Variants in LRRC36 observed in about 807,000 individuals in gnomAD.
LRRC36 encodes the protein leucine rich repeat containing 36, also known as leucine-rich repeat-containing protein 36.
Under a neutral mutation model 81.1 loss-of-function variants are expected in LRRC36, and 62 were observed. That is an observed-to-expected ratio of 0.76 (90% CI 0.62 to 0.94). The LOEUF is 0.94. Among genes scored for constraint, LRRC36 ranks in the 40% least tolerant of loss-of-function variants. The probability of loss-of-function intolerance (pLI) is 0.00; values close to 1 mark genes in which losing one functional copy is unlikely to be tolerated. For synonymous variants in LRRC36, 334 were observed against 348.6 expected, an observed-to-expected ratio of 0.96 and a Z score of 0.47; for missense variants, 761 against 881.7, an observed-to-expected ratio of 0.86 and a Z score of 1.73.
chr16:67,376,823 G>A lies in LRRC36; in HGVS notation c.1757G>A (p.Arg586Lys). Residue 586 changes from arginine (R) to lysine (K), a missense_variant, in exon 11 of 14, where the codon AGG (arginine) becomes AAG (lysine). Arg to Lys is a conservative substitution (Grantham distance 26). Transcript: ENST00000329956. ...GAAGACACGATGAAAGCATTCTGCA[G>A]GAGGGAGCTTGAACTGAAGGAGGCT... ...HPEDTMKAFC[R>K]RELELKEAAQ... 1 of 1,614,022 alleles carries A rather than the reference G, an allele frequency of 6.2e-7. No homozygotes were observed.
intron 11 of LRRC36, among the ~76,000 whole-genome samples, chr16:67,378,381 G>A (rs1465780276): frequency 6.6e-6 from 1 of 151,204 alleles, no homozygotes; most frequent in African/African-American, 2.4e-5. Flanking sequence ...CTGGGGTTAC[G>A]GGTGCACACC....
intron 13 of LRRC36, among the ~76,000 whole-genome samples, chr16:67,382,517 T>C (rs2040151204): frequency 6.6e-6 from 1 of 152,156 alleles, no homozygotes; most frequent in African/African-American, 2.4e-5. Flanking sequence ...TTTGTTTGGG[T>C]CAGCTAACTT....
At chr16:67,372,972 T>C (rs2039714941) in intron 9 of LRRC36, among the ~76,000 whole-genome samples, 1 of 152,174 alleles carries the variant, frequency 6.6e-6, no homozygotes. Context: ...GTATTCAGAG[T>C]GAAGATCCAG....
At chr16:67,353,279 G>T (rs2038741349) in intron 5 of LRRC36, among the ~76,000 whole-genome samples, 1 of 152,232 alleles carries the variant, frequency 6.6e-6, no homozygotes, top group East Asian at 1.9e-4. Flanking sequence ...ATCATGTTGG[G>T]GTTTGATGCT....
At chr16:67,366,657 C>T (rs749568757) in intron 7 of LRRC36, among the ~76,000 whole-genome samples, 10 of 151,688 alleles carry the variant, frequency 6.6e-5, no homozygotes, top group African/African-American at 1.2e-4. Context: ...GGCTGAGGTA[C>T]GAGAATCGCT....
chr16:67,347,642 A>G (rs1222360891), intron 4 of LRRC36, 51 bp downstream of exon 4: 1 of 1,283,504 alleles, frequency 7.8e-7, no homozygotes, highest in Non-Finnish European at 1.1e-6. Flanking sequence ...GACATAGGAA[A>G]TAGTGAATTC....
At chr16:67,363,799 G>C (rs1251138069) in intron 6 of LRRC36, 85 bp downstream of exon 6, 2 of 1,471,212 alleles carry the variant, frequency 1.4e-6, no homozygotes, top group Non-Finnish European at 1.9e-6. Context: ...ATTTATGAAG[G>C]TCTCAGAGGA....
chr16:67,356,388 T>C (rs2038903304), intron 5 of LRRC36, among the ~76,000 whole-genome samples: 1 of 152,206 alleles, frequency 6.6e-6, no homozygotes, highest in Non-Finnish European at 1.5e-5. Flanking sequence ...AAATAGTCAC[T>C]TAAACTAGAA....
Position 67,378,708 on chromosome 16 carries a change from T to G in LRRC36, c.1926T>G (p.Thr642=). The change falls in exon 12 of 14, where the codon ACT becomes ACG. Residue 642 remains threonine (T), a synonymous_variant. Coordinates refer to ENST00000329956, the MANE Select transcript of LRRC36 (RefSeq NM_018296.6). ...TTGTGAGTGGGCAACAGTCACATAC[T>G]TATGGTAAGTTGAGGAAAGCCATGA... ...ISIVSGQQSH[T]YDDLLHKNQQ... 6.2e-7 allele frequency: 1 copy of G among 1,613,644 alleles called. No individual in the cohort carries two copies. The highest frequency in any genetic ancestry group is 8.5e-7 in the Non-Finnish European group (1 of 1,179,716).
intron 1 of LRRC36, among the ~76,000 whole-genome samples, chr16:67,328,553 GA>G (rs2037320102): frequency 6.6e-6 from 1 of 151,822 alleles, no homozygotes; most frequent in Admixed American, 6.6e-5. Context: ...ACAGTGAGAA[GA>G]AAGTCTTTAC....
chr16:67,378,326 G>A (rs1241739460), intron 11 of LRRC36, among the ~76,000 whole-genome samples: 3 of 135,056 alleles, frequency 2.2e-5, no homozygotes, highest in South Asian at 2.5e-4. Flanking sequence ...TGCAACCTCC[G>A]CCTCCCAGGT....
Position 67,363,682 on chromosome 16 carries a change from C to A in LRRC36, c.670C>A (p.Gln224Lys). Residue 224 changes from glutamine to lysine, a missense_variant, in exon 6 of 14, where the codon CAG becomes AAG. This residue lies in a region of LRRC36 where 263 missense variants were observed against 279.3 expected (regional missense o/e 0.94). Coordinates refer to ENST00000329956, the MANE Select transcript of LRRC36 (RefSeq NM_018296.6). ...SATQGNGTRD[Q>K]KLDTFPLGTQ... ...AACTCAGGGCAATGGTACACGTGAT[C>A]AGAAATTAGACACCTTCCCACTGGG... The A allele has an allele frequency of 6.2e-7, 1 of 1,613,872 alleles. No individual in the cohort carries two copies. The highest frequency in any genetic ancestry group is 1.1e-5 in the South Asian group (1 of 91,052).
In LRRC36 at chr16:67,384,973, G is replaced by A. The variant is rs2040242993; in HGVS notation, c.2149G>A (p.Gly717Arg). 3.1e-6 allele frequency: 5 copies of A among 1,614,050 alleles called. No homozygotes were observed. Reference sequence around the variant, plus strand: ...GCCTCCTGAGAAGGGTCATCATCTGGGGAGATCATCGCCCTTTGGGAAAAG... The same window carrying A: ...GCCTCCTGAGAAGGGTCATCATCTGAGGAGATCATCGCCCTTTGGGAAAAG... ...LLPPEKGHHL[G>R]RSSPFGKSTL... Residue 717 changes from glycine to arginine, a missense_variant, in exon 14 of 14, where the codon GGG (glycine) becomes AGG (arginine). Transcript: ENST00000329956.
chr16:67,376,646 G>A (rs2039906105), intron 10 of LRRC36, 81 bp from the exon 11 acceptor site: 1 of 1,412,256 alleles, frequency 7.1e-7, no homozygotes, highest in Non-Finnish European at 9.7e-7. Flanking sequence ...ATTTGATCCA[G>A]AGAGCTGGTA....
intron 11 of LRRC36, among the ~76,000 whole-genome samples, 194 bp from the exon 12 acceptor site, chr16:67,378,395 A>G (rs886952783): frequency 3.3e-5 from 5 of 151,938 alleles, no homozygotes; most frequent in Admixed American, 1.3e-4. Context: ...GCACACCACC[A>G]TGCCTGGCTA....
chr16:67,373,499 G>C (rs2039748450), intron 9 of LRRC36, among the ~76,000 whole-genome samples: 1 of 150,918 alleles, frequency 6.6e-6, no homozygotes, highest in Admixed American at 6.6e-5. Flanking sequence ...CTGAAGTCAG[G>C]AGTTTGAGCC....
intron 1 of LRRC36, among the ~76,000 whole-genome samples, chr16:67,337,264 G>C (rs555883743): frequency 6.6e-6 from 1 of 152,168 alleles, no homozygotes; most frequent in Admixed American, 6.5e-5. Context: ...CCCAGAAGTG[G>C]AGTTATTCTA....
chr16:67,374,208 T>C (rs2039785582), intron 9 of LRRC36, among the ~76,000 whole-genome samples: 2 of 151,140 alleles, frequency 1.3e-5, no homozygotes. Context: ...TAAAATATTA[T>C]AGAATATTTA....
chr16:67,332,106 A>G (rs1034231871), intron 1 of LRRC36, among the ~76,000 whole-genome samples: 1 of 152,212 alleles, frequency 6.6e-6, no homozygotes, highest in Non-Finnish European at 1.5e-5. Flanking sequence ...GGTTTTCATT[A>G]GAGAGACTAC....
Sources: gnomAD v4.1 joint callset for allele counts (sites outside exome capture counted in the v4.1 genomes callset) on GRCh38, gnomAD v4.1.1 for gene constraint, gnomAD v4.1.1 regional missense constraint, MANE v1.5 for transcripts, NCBI Gene and HGNC (gene_info 2026-07-23, HGNC 2026-07-21) for gene names.